The following ACSS3 variants were observed in gnomAD, a reference collection of about 807,000 sequenced individuals.
ACSS3 encodes the protein acyl-CoA synthetase short-chain family member 3, mitochondrial.
In ACSS3, 64 loss-of-function variants were observed where a neutral mutation model predicts 84.2. The ratio of observed to expected loss-of-function variants is 0.76; its 90% CI spans 0.62 to 0.94. ACSS3 has a LOEUF of 0.94. Ranked by LOEUF, ACSS3 falls within the 40% of genes least tolerant of loss-of-function variation. ACSS3 has a pLI of 0.00. For synonymous variants in ACSS3, 317 were observed against 310.1 expected (o/e 1.02, Z -0.23); for missense variants, 815 against 867.6 (o/e 0.94, Z 0.76).
At chr12:81,200,980 G>A (rs2032079763) in intron 9 of ACSS3, among the ~76,000 whole-genome samples, 1 of 151,650 alleles carries the variant, frequency 6.6e-6, no homozygotes, top group Non-Finnish European at 1.5e-5. Context: ...AATAATCAGA[G>A]CAGAGGACAC....
At chr12:81,160,547 T>G (rs1415536591) in intron 7 of ACSS3, among the ~76,000 whole-genome samples, 1 of 152,228 alleles carries the variant, frequency 6.6e-6, no homozygotes, top group Admixed American at 6.5e-5. Flanking sequence ...AGCAAATTAA[T>G]TAAACCTCTT....
At chr12:81,220,708 T>A (rs2033078065) in intron 11 of ACSS3, among the ~76,000 whole-genome samples, 1 of 152,122 alleles carries the variant, frequency 6.6e-6, no homozygotes, top group Admixed American at 6.6e-5. Flanking sequence ...TTTCAGTTTC[T>A]GATTTGACTT....
At chr12:81,139,635 A>ATTATT (rs1565999406) in intron 4 of ACSS3, among the ~76,000 whole-genome samples, 4 of 145,854 alleles carry the variant, frequency 2.7e-5, no homozygotes, top group Non-Finnish European at 4.5e-5. Context: ...TAATAATAAT[A>ATTATT]ATTATTGTTA....
At chr12:81,252,829 A>G (rs1198390230) in intron 13 of ACSS3, among the ~76,000 whole-genome samples, 4 of 152,176 alleles carry the variant, frequency 2.6e-5, no homozygotes, top group Non-Finnish European at 4.4e-5. Flanking sequence ...GAGGAATTTC[A>G]TTGTTCACTA....
At chr12:81,244,202 T>G (rs961555157) in intron 13 of ACSS3, among the ~76,000 whole-genome samples, 1 of 152,164 alleles carries the variant, frequency 6.6e-6, no homozygotes, top group Non-Finnish European at 1.5e-5. Context: ...GTTTACATGG[T>G]TCCTAAGGAT....
rs780349943 is a variant in ACSS3 at position 81,078,162 on chromosome 12, C to G, written c.42C>G (p.Ala14=). ...SWLQCRKVTS[A]GGLGGPLPGS... is the part of the protein sequence containing the mutation. ...TGCAGTGTCGTAAAGTCACCAGCGC[C>G]GGGGGGCTCGGAGGGCCCTTGCCTG... The change falls in exon 1 of 16, where the codon GCC becomes GCG. Residue 14 remains alanine (A), a synonymous_variant. Coordinates refer to ENST00000548058, the MANE Select transcript of ACSS3 (RefSeq NM_024560.4). The G allele has an allele frequency of 2.0e-6, 3 of 1,517,432 alleles. No homozygotes were observed. The highest frequency in any genetic ancestry group is 1.2e-5 in the South Asian group (1 of 81,358). 94.0% of individuals were successfully genotyped at this position (1,517,432 alleles called of 1,614,324 possible). A position where few individuals can be genotyped will look rare whatever the true frequency, so the allele number is the denominator to read the frequency against.
intron 9 of ACSS3, among the ~76,000 whole-genome samples, chr12:81,209,047 A>C (rs887677418): frequency 1.3e-5 from 2 of 152,116 alleles, no homozygotes; most frequent in Non-Finnish European, 2.9e-5. Flanking sequence ...ATCTTCCTGG[A>C]GTCCTCTATT....
intron 13 of ACSS3, among the ~76,000 whole-genome samples, chr12:81,240,110 G>A (rs993519422): frequency 2.0e-5 from 3 of 151,838 alleles, no homozygotes; most frequent in Non-Finnish European, 4.4e-5. Context: ...CTGTTGAACT[G>A]AACTATGTCC....
At chr12:81,170,319 G>A (rs1420513374) in intron 7 of ACSS3, among the ~76,000 whole-genome samples, 1 of 152,088 alleles carries the variant, frequency 6.6e-6, no homozygotes, top group African/African-American at 2.4e-5. Flanking sequence ...ATCATAACTG[G>A]TAGAAAAGTA....
chr12:81,199,749 T>G, intron 9 of ACSS3: 1 of 1,199,428 alleles, frequency 8.3e-7, no homozygotes, highest in Non-Finnish European at 1.1e-6. Context: ...TTGAAGTGTC[T>G]GTTGGGTTCA....
chr12:81,224,573 C>CGTGTGTGTGTGTGT (rs1565730437), intron 11 of ACSS3, among the ~76,000 whole-genome samples: 2 of 135,204 alleles, frequency 1.5e-5, no homozygotes, highest in African/African-American at 5.7e-5. Context: ...CACACACACA[C>CGTGTGTGTGTGTGT]ATGTGTGTGT....
rs1043278910 is a variant in ACSS3, at chr12:81,220,018, A to G, written c.1456A>G (p.Ile486Val). ...GKSVPGYNVM[I>V]LDDNMQKLKA... ...ATTTATATTTTACTTTGTAGTTATG[A>G]TTTTGGATGACAACATGCAAAAACT... Residue 486 changes from isoleucine (I) to valine (V), a missense_variant, in exon 11 of 16, where the codon ATT becomes GTT. Transcript: ENST00000548058. 6.5e-6 allele frequency: 10 copies of G among 1,534,004 alleles called. No homozygotes were observed. Among genetic ancestry groups the G allele is most frequent in the South Asian group, 1.3e-5 (1 of 75,714 alleles).
At chr12:81,196,011 A>C (rs927597562) in intron 8 of ACSS3, among the ~76,000 whole-genome samples, 1 of 152,192 alleles carries the variant, frequency 6.6e-6, no homozygotes, top group Non-Finnish European at 1.5e-5. Flanking sequence ...CTAAATTTTG[A>C]AAATCTGTTG....
At chr12:81,190,026 T>TA (rs1213478067) in intron 8 of ACSS3, among the ~76,000 whole-genome samples, 7 of 152,190 alleles carry the variant, frequency 4.6e-5, no homozygotes, top group Admixed American at 4.6e-4. Context: ...TCCATCAGCC[T>TA]ACTTGTTTGT....
intron 2 of ACSS3, among the ~76,000 whole-genome samples, chr12:81,128,538 C>A (rs1046024727): frequency 9.2e-5 from 14 of 152,146 alleles, no homozygotes; most frequent in Non-Finnish European, 1.3e-4. Context: ...ATCAATTTTA[C>A]TGGTCTATCC....
chr12:81,233,739 T>C (rs1312577107), intron 13 of ACSS3, among the ~76,000 whole-genome samples: 1 of 151,664 alleles, frequency 6.6e-6, no homozygotes, highest in Non-Finnish European at 1.5e-5. Flanking sequence ...TGCTTCTTAA[T>C]ACTTGCTACT....
chr12:81,187,078 A>G (rs979968168), intron 8 of ACSS3, among the ~76,000 whole-genome samples: 3 of 151,904 alleles, frequency 2.0e-5, no homozygotes, highest in Admixed American at 2.0e-4. Flanking sequence ...AGCTGGAGAC[A>G]CTACGTTGTT....
chr12:81,166,892 C>T (rs10746182), intron 7 of ACSS3, among the ~76,000 whole-genome samples: 28,427 of 152,130 alleles, frequency 0.19, 2,920 homozygotes, highest in East Asian at 0.4. Context: ...AAGCAAGAAC[C>T]CATTTAATTT....
rs2136055193 is a variant in ACSS3, at chr12:81,259,890, A to G, written c.*4968A>G. 2.6e-6 allele frequency: 1 copy of G among 386,682 alleles called. No individual in the cohort carries two copies. Among genetic ancestry groups the G allele is most frequent in the East Asian group, 3.8e-5 (1 of 26,444 alleles). 24.0% of individuals were successfully genotyped at this position (386,682 alleles called of 1,614,324 possible). ...TAATAGAATTTGCTCAACTTTGTGGAAAGTATGGCAGTAATGTAAACAAAG... is the reference window on the plus strand; with the variant it reads ...TAATAGAATTTGCTCAACTTTGTGGGAAGTATGGCAGTAATGTAAACAAAG... On this transcript the variant is annotated 3_prime_UTR_variant, in exon 16 of 16. Transcript: ENST00000548058.
Sources: gnomAD v4.1 joint callset for allele counts (sites outside exome capture counted in the v4.1 genomes callset) on GRCh38, gnomAD v4.1.1 for gene constraint, MANE v1.5 for transcripts, NCBI Gene and HGNC (gene_info 2026-07-23, HGNC 2026-07-21) for gene names.